The following PPM1A variants were observed in gnomAD, a reference collection of about 807,000 sequenced individuals.
The protein encoded by PPM1A is protein phosphatase 1A.
A neutral mutation model predicts 35.0 loss-of-function variants in PPM1A; 7 were observed. The ratio of observed to expected loss-of-function variants is 0.20; its 90% CI spans 0.11 to 0.38. The LOEUF is 0.38. PPM1A is among the 10% of genes least tolerant of loss of function. The pLI is 1.00. For synonymous variants in PPM1A, 153 were observed against 167.3 expected, an observed-to-expected ratio of 0.91 and a Z score of 0.66; for missense variants, 239 against 467.8, an observed-to-expected ratio of 0.51 and a Z score of 4.51.
intron 1 of PPM1A, among the ~76,000 whole-genome samples, chr14:60,278,745 A>T (rs1886052456): frequency 6.6e-6 from 1 of 152,234 alleles, no homozygotes; most frequent in Admixed American, 6.5e-5. Flanking sequence ...TACTTTTAGC[A>T]AATATGTGTA....
At chr14:60,275,909 A>AT (rs1407095279) in intron 1 of PPM1A, among the ~76,000 whole-genome samples, 2 of 145,990 alleles carry the variant, frequency 1.4e-5, no homozygotes, top group African/African-American at 5.1e-5. Context: ...TCTCATTACC[A>AT]TAGATAACTT....
At chr14:60,288,047 A>T (rs995030248) in intron 3 of PPM1A, 1 of 980,518 alleles carries the variant, frequency 1.0e-6, no homozygotes, top group African/African-American at 1.8e-5. Context: ...AATTAAAGGA[A>T]TATTTCTTAA....
At chr14:60,272,176 G>C (rs1013733582) in intron 1 of PPM1A, among the ~76,000 whole-genome samples, 5 of 151,828 alleles carry the variant, frequency 3.3e-5, no homozygotes, top group Non-Finnish European at 5.9e-5. Context: ...TGTTTTTCTA[G>C]ATGTGTTATT....
At chr14:60,264,835 G>A (rs1256581406) in intron 1 of PPM1A, among the ~76,000 whole-genome samples, 1 of 151,716 alleles carries the variant, frequency 6.6e-6, no homozygotes, top group African/African-American at 2.4e-5. Context: ...CTCTCTAATA[G>A]CCACCTATTC....
chr14:60,282,850 A>G lies in PPM1A; in HGVS notation c.147A>G (p.Gly49=), dbSNP rs1197964698. Residue 49 remains glycine (G), a synonymous_variant, in exon 2 of 6, where the codon GGA becomes GGG. Coordinates refer to ENST00000395076, the MANE Select transcript of PPM1A (RefSeq NM_021003.5). The surrounding 1 kb of genome is among the most constrained non-coding windows in gnomAD (Gnocchi z 5.1). ...AHTAVIGLPS[G]LESWSFFAVY... Reference sequence around the variant, plus strand: ...CGGCTGTGATCGGTTTGCCAAGTGGACTTGAATCGTGGTCATTCTTTGCTG... The same window carrying G: ...CGGCTGTGATCGGTTTGCCAAGTGGGCTTGAATCGTGGTCATTCTTTGCTG... 6.2e-7 allele frequency: 1 copy of G among 1,614,252 alleles called. No homozygotes were observed. Among genetic ancestry groups the G allele is most frequent in the South Asian group, 1.1e-5 (1 of 91,088 alleles).
Position 60,283,840 on chromosome 14 carries a change from G to C in PPM1A, c.834+303G>C, listed in dbSNP as rs773150674. Among the ~76,000 whole-genome samples, 124 of 152,168 alleles carry C rather than the reference G, an allele frequency of 8.1e-4. No homozygotes were observed. The highest frequency in any genetic ancestry group is 2.1e-3 in the Admixed American group (32 of 15,280). The stretch of plus-strand genomic sequence containing the variant: ...TGCATGTTTTGAAAGAAAGAGGGTG[G>C]GGAGGGTTAGGCCTCAGTGTCTATA... On this transcript the variant is annotated intron_variant, in intron 2 of 5. Transcript: ENST00000395076. The surrounding 1 kb of genome is among the most constrained non-coding windows in gnomAD (Gnocchi z 6.3).
Position 60,292,442 on chromosome 14 carries a change from CT to C in PPM1A, c.1120-7del, listed in dbSNP as rs1566610120. ...TTAACGTTGTTCCTTATTTTGCTTCCTTTTACAAAGGACTCTACATCAACAG... is the reference window on the plus strand; with the variant it reads ...TTAACGTTGTTCCTTATTTTGCTTCCTTTACAAAGGACTCTACATCAACAG... On this transcript the variant is annotated splice_polypyrimidine_tract_variant and intron_variant, in intron 5 of 5. Transcript: ENST00000395076. This position sits in a 1 kb window ranked among gnomAD's most constrained non-coding sequence, Gnocchi z 4.2. 2 of 1,594,584 alleles carry C rather than the reference CT, an allele frequency of 1.3e-6. No individual in the cohort carries two copies. The highest frequency in any genetic ancestry group is 1.7e-5 in the Admixed American group (1 of 59,566).
chr14:60,278,364 G>A (rs1239244334), intron 1 of PPM1A, among the ~76,000 whole-genome samples: 1 of 140,212 alleles, frequency 7.1e-6, no homozygotes, highest in African/African-American at 2.7e-5. Context: ...TGACTTCTTA[G>A]TACAGGTAAC....
In PPM1A at chr14:60,297,850, C is replaced by T. The variant is rs1265827108; in HGVS notation, c.*5368C>T. The T allele has an allele frequency of 2.0e-5, 3 of 151,556 alleles. No individual in the cohort carries two copies. Among genetic ancestry groups the T allele is most frequent in the Non-Finnish European group, 3.0e-5 (2 of 67,634 alleles). 9.4% of individuals were successfully genotyped at this position (151,556 alleles called of 1,614,324 possible). ...CCCAGGAAAATGCGTATATAACATA[C>T]ATATCTCCCTAAAGTTTACAATATT... On this transcript the variant is annotated 3_prime_UTR_variant, in exon 6 of 6. Transcript: ENST00000395076.
upstream of PPM1A, chr14:60,245,802 C>T: frequency 2.0e-6 from 3 of 1,506,524 alleles, no homozygotes; most frequent in Non-Finnish European, 1.8e-6. This position sits in a 1 kb window ranked among gnomAD's most constrained non-coding sequence, Gnocchi z 4.2. Flanking sequence ...GTAGGGGGCA[C>T]ACCCTCTCCC....
In PPM1A at chr14:60,298,751, ACT is replaced by A. The variant is rs1305775142; in HGVS notation, c.*6272_*6273del. ...GTTGCATTATATATTCATTTTTTAA[ACT>A]CTATAAATGTTAAGAATAATATAAT... On this transcript the variant is annotated 3_prime_UTR_variant, in exon 6 of 6. Transcript: ENST00000395076. The A allele has an allele frequency of 6.6e-6, 1 of 151,750 alleles. No homozygotes were observed. The highest frequency in any genetic ancestry group is 6.6e-5 in the Admixed American group (1 of 15,208). The allele number at this position is 151,750 out of a possible 1,614,324, so 9.4% of individuals were successfully genotyped here. A position where few individuals can be genotyped will look rare whatever the true frequency, so the allele number is the denominator to read the frequency against.
chr14:60,257,296 G>A (rs1253833986), intron 1 of PPM1A, among the ~76,000 whole-genome samples: 1 of 152,088 alleles, frequency 6.6e-6, no homozygotes, highest in Non-Finnish European at 1.5e-5. Context: ...TAACTTCAAT[G>A]TTTATTGAAA....
At chr14:60,268,783 T>A (rs1436831278) in intron 1 of PPM1A, among the ~76,000 whole-genome samples, 2 of 151,996 alleles carry the variant, frequency 1.3e-5, no homozygotes, top group Admixed American at 6.5e-5. Context: ...TTCTAAATAT[T>A]CTATAATTGT....
At position 60,296,427 on chromosome 14, in the gene PPM1A, G is replaced by A. The variant is rs1459111529; in HGVS notation, c.*3945G>A. 1 of 226,900 alleles carries A rather than the reference G, an allele frequency of 4.4e-6. No homozygotes were observed. Among genetic ancestry groups the A allele is most frequent in the South Asian group, 1.8e-4 (1 of 5,478 alleles). 14.1% of individuals were successfully genotyped at this position (226,900 alleles called of 1,614,324 possible). On this transcript the variant is annotated 3_prime_UTR_variant, in exon 6 of 6. Transcript: ENST00000395076. This position sits in a 1 kb window ranked among gnomAD's most constrained non-coding sequence, Gnocchi z 4.4. Reference sequence around the variant, plus strand: ...TAGGATTTGGTATTAGAAAAGATGTGTAAATATCTTAGTATATAATTGTTT... The same window carrying A: ...TAGGATTTGGTATTAGAAAAGATGTATAAATATCTTAGTATATAATTGTTT...
chr14:60,281,942 T>G (rs1478310908), intron 1 of PPM1A, among the ~76,000 whole-genome samples: 1 of 152,222 alleles, frequency 6.6e-6, no homozygotes, highest in Non-Finnish European at 1.5e-5. Context: ...GTACACTTCG[T>G]TATGTATATA....
rs370598236 is a variant in PPM1A, at chr14:60,285,683, G to A, written c.894G>A (p.Ser298=). The part of the protein sequence containing the change: ...LICFPNAPKV[S]PEAVKKEAEL... ...GTTTTCCAAATGCACCCAAAGTATCGCCAGAAGCAGTGAAGAAGGAGGCAG... is the reference window on the plus strand; with the variant it reads ...GTTTTCCAAATGCACCCAAAGTATCACCAGAAGCAGTGAAGAAGGAGGCAG... Residue 298 remains serine (S), a synonymous_variant, in exon 3 of 6, where the codon TCG becomes TCA. Transcript: ENST00000395076. 101 of 1,613,856 alleles carry A rather than the reference G, an allele frequency of 6.3e-5. No homozygotes were observed. Among genetic ancestry groups the A allele is most frequent in the Non-Finnish European group, 8.5e-5 (100 of 1,179,860 alleles).
At chr14:60,268,795 G>A (rs1467071473) in intron 1 of PPM1A, among the ~76,000 whole-genome samples, 1 of 151,766 alleles carries the variant, frequency 6.6e-6, no homozygotes, top group African/African-American at 2.4e-5. Flanking sequence ...TATAATTGTA[G>A]AAATATGTAA....
Position 60,250,759 on chromosome 14 carries a change from A to C in PPM1A, c.-21+1082A>C, listed in dbSNP as rs528885697. On this transcript the variant is annotated intron_variant, in intron 1 of 5. Coordinates refer to ENST00000395076, the MANE Select transcript of PPM1A (RefSeq NM_021003.5). ...TTTCAAACTTGCACGTTGGGGTTTT[A>C]AACACAACCACTTTACATGTGTTGC... Among the ~76,000 whole-genome samples the C allele has an allele frequency of 3.9e-5, 6 of 152,346 alleles. No homozygotes were observed. The South Asian group carries it at 1.2e-3, about 32-fold the overall frequency.
Position 60,282,578 on chromosome 14 carries a change from C to T in PPM1A, c.-20-106C>T, listed in dbSNP as rs1057071649. The T allele has an allele frequency of 3.1e-5, 42 of 1,373,922 alleles. No individual in the cohort carries two copies. In the Admixed American group the frequency reaches 4.4e-4, roughly 14 times the overall value. 85.1% of individuals were successfully genotyped at this position (1,373,922 alleles called of 1,614,324 possible). Reference sequence around the variant, plus strand: ...CAACACAATGAATGTCTGCTTATCGCGAGTTGTGAATTCCCGCATATCTCT... The same window carrying T: ...CAACACAATGAATGTCTGCTTATCGTGAGTTGTGAATTCCCGCATATCTCT... On this transcript the variant is annotated intron_variant, in intron 1 of 5. Coordinates refer to ENST00000395076, the MANE Select transcript of PPM1A (RefSeq NM_021003.5). This position sits in a 1 kb window ranked among gnomAD's most constrained non-coding sequence, Gnocchi z 5.1.
Sources: gnomAD v4.1 joint callset for allele counts (sites outside exome capture counted in the v4.1 genomes callset) on GRCh38, gnomAD v4.1.1 for gene constraint, Gnocchi (gnomAD v3.1) non-coding constraint, MANE v1.5 for transcripts, NCBI Gene and HGNC (gene_info 2026-07-23, HGNC 2026-07-21) for gene names.